The following TNRC6A variants were observed in gnomAD, a reference collection of about 807,000 sequenced individuals.
TNRC6A encodes trinucleotide repeat-containing gene 6A protein.
In TNRC6A, 44 loss-of-function variants were observed where a neutral mutation model predicts 221.2. That is an observed-to-expected ratio of 0.20 (90% confidence interval 0.16 to 0.26). The LOEUF (loss-of-function observed/expected upper bound fraction) is 0.26. TNRC6A is among the 10% of genes least tolerant of loss of function. The probability of loss-of-function intolerance (pLI) is 1.00; values close to 1 mark genes in which losing one functional copy is unlikely to be tolerated. For synonymous variants in TNRC6A, 847 were observed against 838.5 expected (o/e 1.01, Z -0.18); for missense variants, 2,199 against 2,404.4 (o/e 0.91, Z 1.79).
intron 2 of TNRC6A, among the ~76,000 whole-genome samples, chr16:24,746,139 C>T (rs2057004999): frequency 6.6e-6 from 1 of 152,184 alleles, no homozygotes; most frequent in Admixed American, 6.5e-5. Context: ...ACAGTTGAAA[C>T]AGCTCTTATA....
rs564071018 is a variant in TNRC6A, at chr16:24,722,067, A to ATAT, written n.403-28658_403-28656dup. Among the ~76,000 whole-genome samples, 4 of 152,286 alleles carry ATAT rather than the reference A, an allele frequency of 2.6e-5. No individual in the cohort carries two copies. The East Asian group carries it at 7.7e-4, about 29-fold the overall frequency. On this transcript the variant is annotated intron_variant and non_coding_transcript_variant, in intron 2 of 2. Coordinates refer to the TNRC6A transcript ENST00000566108. ...TTTTCTGTAGTGATAAAAGTGTTCT[A>ATAT]TATAGTGATTGTGGTAGTCGCTACA...
At chr16:24,747,119 T>C (rs1015400775) in intron 2 of TNRC6A, among the ~76,000 whole-genome samples, 2 of 152,308 alleles carry the variant, frequency 1.3e-5, no homozygotes, top group African/African-American at 2.4e-5. Context: ...GATCGAGATA[T>C]TGCATTTCCC....
At chr16:24,633,011 A>G (rs1901427975) in intron 1 of TNRC6A, among the ~76,000 whole-genome samples, 1 of 23,622 alleles carries the variant, frequency 4.2e-5, no homozygotes, top group Non-Finnish European at 1.0e-4. Context: ...CTCAGTCTCG[A>G]AAAAAAAAAA....
chr16:24,660,690 A>T (rs1461197694), intron 2 of TNRC6A, among the ~76,000 whole-genome samples: 1 of 140,072 alleles, frequency 7.1e-6, no homozygotes, highest in Non-Finnish European at 1.6e-5. Flanking sequence ...ACATTGTCTG[A>T]TATTAATATC....
intron 20 of TNRC6A, 49 bp from the exon 21 acceptor site, chr16:24,818,544 C>T: frequency 1.3e-6 from 2 of 1,483,800 alleles, no homozygotes; most frequent in Non-Finnish European, 1.9e-6. Flanking sequence ...TTTTTCTGAA[C>T]CTCCACGTCC....
rs76719957 is a variant in TNRC6A at position 24,629,701 on chromosome 16, G to A, written n.277-11183G>A. On this transcript the variant is annotated intron_variant and non_coding_transcript_variant, in intron 1 of 2. Coordinates refer to the TNRC6A transcript ENST00000566108. ...AATTGTAGTAAAATACACATAGACC[G>A]GGCACAGTGGTTCACGCCTGTAATC... is the stretch of plus-strand genomic sequence containing the variant. Among the ~76,000 whole-genome samples, 180 of 152,090 alleles carry A rather than the reference G, an allele frequency of 1.2e-3. 1 individual carries two copies. In the South Asian group the frequency reaches 0.024, roughly 20 times the overall value.
rs781681419 is a variant in TNRC6A at position 24,789,622 on chromosome 16, C to T, written c.980C>T (p.Ser327Phe). ...HGAIISTCQV[S>F]VDAPESKSES... is the part of the protein sequence containing the mutation. ...GCCATAATAAGCACATGTCAGGTCT[C>T]TGTGGATGCTCCTGAAAGCAAATCT... Residue 327 changes from serine to phenylalanine, a missense_variant, in exon 6 of 25, where the codon TCT (serine) becomes TTT (phenylalanine). Ser to Phe is a radical substitution (Grantham distance 155). Around this residue, in one of 8 missense-constraint regions of TNRC6A, gnomAD observed 1,405 missense variants for 1,400.2 expected, o/e 1.00. Coordinates refer to ENST00000395799, the MANE Select transcript of TNRC6A (RefSeq NM_014494.4). 1.2e-6 allele frequency: 2 copies of T among 1,614,126 alleles called. No homozygotes were observed. Among genetic ancestry groups the T allele is most frequent in the Non-Finnish European group, 1.7e-6 (2 of 1,180,036 alleles).
At chr16:24,621,579 A>T (rs537742829) in intron 1 of TNRC6A, among the ~76,000 whole-genome samples, 36 of 151,946 alleles carry the variant, frequency 2.4e-4, no homozygotes, top group African/African-American at 8.4e-4. Flanking sequence ...GCTGGTCTCG[A>T]ACTCCTGACC....
At chr16:24,741,095 A>G (rs1186375286) in intron 2 of TNRC6A, among the ~76,000 whole-genome samples, 1 of 152,212 alleles carries the variant, frequency 6.6e-6, no homozygotes, top group South Asian at 2.1e-4. Context: ...TCATCTGTGA[A>G]TAGAGACAGT....
At position 24,823,552 on chromosome 16, in the gene TNRC6A, C is replaced by G. The variant is rs184014699; in HGVS notation, c.5634C>G (p.Ser1878Arg). 1.2e-5 allele frequency: 19 copies of G among 1,614,182 alleles called. No individual in the cohort carries two copies. In the Admixed American group the frequency reaches 3.2e-4, roughly 27 times the overall value. ...CCGGCTGGCAGTCTCTCGGGTCCAG[C>G]CAGAGCCGGCTGGGCTCCCTCGACT... Reference protein sequence around the residue: ...PSPGWQSLGSSQSRLGSLDCS... With the variant: ...PSPGWQSLGSRQSRLGSLDCS... Residue 1878 changes from serine (S) to arginine (R), a missense_variant, in exon 25 of 25, where the codon AGC (serine) becomes AGG (arginine). Physicochemically the swap from Ser to Arg is moderately radical, Grantham distance 110. Around this residue, in one of 8 missense-constraint regions of TNRC6A, gnomAD observed 130 missense variants for 121.7 expected, o/e 1.07. Coordinates refer to ENST00000395799, the MANE Select transcript of TNRC6A (RefSeq NM_014494.4). This position sits in a 1 kb window ranked among gnomAD's most constrained non-coding sequence, Gnocchi z 4.3.
chr16:24,646,763 A>G (rs1355831925), intron 2 of TNRC6A, among the ~76,000 whole-genome samples: 1 of 152,164 alleles, frequency 6.6e-6, no homozygotes, highest in African/African-American at 2.4e-5. Context: ...GAATAAATAT[A>G]CCCAGGCTAT....
At chr16:24,805,329 A>T (rs1249754586) in intron 14 of TNRC6A, 178 bp downstream of exon 14, 2 of 1,059,438 alleles carry the variant, frequency 1.9e-6, no homozygotes, top group East Asian at 2.6e-5. Context: ...GGATAATTTA[A>T]ATCCAAAATT....
At chr16:24,764,145 CTG>C (rs1245611267) in intron 4 of TNRC6A, among the ~76,000 whole-genome samples, 2 of 142,522 alleles carry the variant, frequency 1.4e-5, no homozygotes, top group Non-Finnish European at 3.2e-5. Context: ...ATGTATTTGA[CTG>C]TTTTTTTTTT....
intron 2 of TNRC6A, among the ~76,000 whole-genome samples, chr16:24,666,220 G>A (rs547299100): frequency 1.3e-5 from 2 of 152,190 alleles, no homozygotes; most frequent in Non-Finnish European, 2.9e-5. Flanking sequence ...TGTAATCCCA[G>A]TACTTTGGGA....
chr16:24,822,175 G>A, intron 23 of TNRC6A, 28 bp downstream of exon 23: 1 of 1,609,898 alleles, frequency 6.2e-7, no homozygotes, highest in Non-Finnish European at 8.5e-7. Context: ...GCTGGTTTAT[G>A]TGGCTACGCC....
Position 24,823,471 on chromosome 16 carries a change from C to T in TNRC6A, c.5553C>T (p.Ala1851=), listed in dbSNP as rs1264322588. 1 of 1,613,974 alleles carries T rather than the reference C, an allele frequency of 6.2e-7. No individual in the cohort carries two copies. The highest frequency in any genetic ancestry group is 1.3e-5 in the African/African-American group (1 of 75,044). ...ACACTACTATTCTTGCTGAGTTTGC[C>T]AGTGAAGAGGAGATCAGTCGTTTCT... ...LGNTTILAEF[A]SEEEISRFFA... The change falls in exon 25 of 25, where the codon GCC becomes GCT. Residue 1851 remains alanine, a synonymous_variant. Coordinates refer to ENST00000395799, the MANE Select transcript of TNRC6A (RefSeq NM_014494.4). This position sits in a 1 kb window ranked among gnomAD's most constrained non-coding sequence, Gnocchi z 4.3.
At chr16:24,650,402 C>T (rs1310500065) in intron 2 of TNRC6A, among the ~76,000 whole-genome samples, 1 of 152,152 alleles carries the variant, frequency 6.6e-6, no homozygotes, top group African/African-American at 2.4e-5. Flanking sequence ...CAGTGGCTCA[C>T]GCCTGTAATC....
At chr16:24,792,600 G>T (rs2058128126) in intron 6 of TNRC6A, among the ~76,000 whole-genome samples, 8 of 90,884 alleles carry the variant, frequency 8.8e-5, no homozygotes, top group South Asian at 4.2e-4. Context: ...TTTTTTTAAT[G>T]AAACATTTAT....
intron 4 of TNRC6A, among the ~76,000 whole-genome samples, chr16:24,758,977 G>A (rs1042828056): frequency 2.0e-5 from 3 of 152,084 alleles, no homozygotes. Context: ...TGGTAATAAA[G>A]GTGTAAAGCT....
Sources: allele counts gnomAD v4.1 joint callset (sites outside exome capture counted in the v4.1 genomes callset), GRCh38; gene constraint gnomAD v4.1.1; regional missense constraint gnomAD v4.1.1; non-coding constraint Gnocchi (gnomAD v3.1); transcripts MANE v1.5; gene names NCBI Gene and HGNC (gene_info 2026-07-23, HGNC 2026-07-21).